FAM171A1: variants seen among roughly 807,000 people sequenced by gnomAD.
FAM171A1 encodes family with sequence similarity 171 member A1, also known as protein FAM171A1.
FAM171A1 carries 23 observed loss-of-function variants against 74.9 expected under a neutral mutation model. The ratio of observed to expected loss-of-function variants is 0.31; its 90% CI spans 0.22 to 0.44. The LOEUF (loss-of-function observed/expected upper bound fraction) is 0.44, where lower values mean the gene tolerates loss of function less well. Among genes scored for constraint, FAM171A1 ranks in the 20% least tolerant of loss-of-function variants. The pLI is 1.00. For missense variants in FAM171A1, 1,162 were observed against 1,159.2 expected (o/e 1.00, Z -0.03); for synonymous variants, 527 against 505.7 (o/e 1.04, Z -0.57).
At chr10:15,358,835 T>C (rs1835961639) in intron 1 of FAM171A1, among the ~76,000 whole-genome samples, 1 of 152,222 alleles carries the variant, frequency 6.6e-6, no homozygotes, top group Admixed American at 6.5e-5. Flanking sequence ...ATTGGTAAAA[T>C]GCTATGAGGA....
At chr10:15,287,817 T>C (rs753511856) in intron 1 of FAM171A1, among the ~76,000 whole-genome samples, 7 of 152,198 alleles carry the variant, frequency 4.6e-5, no homozygotes, top group Non-Finnish European at 8.8e-5. Flanking sequence ...TTTGGTTACA[T>C]GAGTAAGTTC....
intron 2 of FAM171A1, among the ~76,000 whole-genome samples, chr10:15,282,085 C>G (rs1371725681): frequency 6.6e-6 from 1 of 152,072 alleles, no homozygotes; most frequent in East Asian, 1.9e-4. Flanking sequence ...TTGCTATTTA[C>G]TTATTTATTT....
chr10:15,244,510 C>A (rs1023813962), intron 5 of FAM171A1, among the ~76,000 whole-genome samples: 13 of 152,178 alleles, frequency 8.5e-5, no homozygotes, highest in South Asian at 2.1e-4. Context: ...CAGAGGGAGA[C>A]CCTGTCTCTT....
intron 1 of FAM171A1, among the ~76,000 whole-genome samples, chr10:15,332,215 C>T (rs1235564909): frequency 6.6e-6 from 1 of 152,096 alleles, no homozygotes. Context: ...CTCTGCCTCC[C>T]AGAGTGCTAG....
At chr10:15,250,157 C>T (rs907852080) in intron 4 of FAM171A1, among the ~76,000 whole-genome samples, 3 of 152,138 alleles carry the variant, frequency 2.0e-5, no homozygotes, top group Admixed American at 6.5e-5. Flanking sequence ...CTAATGCCAC[C>T]CTACCTTTTA....
chr10:15,345,591 G>A (rs1192663593), intron 1 of FAM171A1, among the ~76,000 whole-genome samples: 1 of 152,160 alleles, frequency 6.6e-6, no homozygotes, highest in Non-Finnish European at 1.5e-5. Flanking sequence ...ACAGGCCGGT[G>A]GTCAGGAGGG....
At chr10:15,339,618 T>C (rs1372814611) in intron 1 of FAM171A1, among the ~76,000 whole-genome samples, 1 of 152,208 alleles carries the variant, frequency 6.6e-6, no homozygotes, top group East Asian at 1.9e-4. Flanking sequence ...TCACTGCTGC[T>C]GCTCTTGAGC....
At chr10:15,299,791 A>G (rs1835206748) in intron 1 of FAM171A1, among the ~76,000 whole-genome samples, 2 of 152,072 alleles carry the variant, frequency 1.3e-5, no homozygotes, top group Non-Finnish European at 2.9e-5. Flanking sequence ...ATCCTGGCTA[A>G]CACGATGAAA....
At chr10:15,371,731 G>A (rs1445882759), upstream of FAM171A1, among the ~76,000 whole-genome samples, 1 of 152,234 alleles carries the variant, frequency 6.6e-6, no homozygotes, top group Non-Finnish European at 1.5e-5. Flanking sequence ...GGTTCTAGGG[G>A]TTAGGGTGGG....
chr10:15,300,695 C>A (rs1835217956), intron 1 of FAM171A1, among the ~76,000 whole-genome samples: 1 of 147,676 alleles, frequency 6.8e-6, no homozygotes, highest in Admixed American at 7.0e-5. Flanking sequence ...AGTTGATGGT[C>A]ATCTTTGCCC....
chr10:15,330,377 T>C (rs1835613287), intron 1 of FAM171A1, among the ~76,000 whole-genome samples: 1 of 152,080 alleles, frequency 6.6e-6, no homozygotes, highest in Non-Finnish European at 1.5e-5. Context: ...GATCCTCTCA[T>C]ATTTTTAAAG....
intron 1 of FAM171A1, among the ~76,000 whole-genome samples, chr10:15,363,233 C>T (rs1294178840): frequency 6.6e-6 from 1 of 152,220 alleles, no homozygotes; most frequent in Non-Finnish European, 1.5e-5. Flanking sequence ...ATCCAGGCTT[C>T]ACACTTCGGG....
At chr10:15,293,395 T>A (rs1404203529) in intron 1 of FAM171A1, among the ~76,000 whole-genome samples, 3 of 152,130 alleles carry the variant, frequency 2.0e-5, no homozygotes, top group Non-Finnish European at 4.4e-5. Context: ...AGCTGCTATA[T>A]GCTTAGCATG....
chr10:15,329,091 T>C (rs1401527146), intron 1 of FAM171A1, among the ~76,000 whole-genome samples: 1 of 152,150 alleles, frequency 6.6e-6, no homozygotes, highest in Non-Finnish European at 1.5e-5. Context: ...CGCCCTCAGA[T>C]GTGGTGATGT....
rs562281523 is a variant in FAM171A1 at position 15,270,537 on chromosome 10, C to T, written c.418+5318G>A. On this transcript the variant is annotated intron_variant, in intron 3 of 7. Coordinates refer to ENST00000378116, the MANE Select transcript of FAM171A1 (RefSeq NM_001010924.2). ...CAGCTCTGAACAGAGTAGTGGTTCT[C>T]CAGCACAGAGTTTGAGATCTGAGAA... is the stretch of plus-strand genomic sequence containing the variant. Among the ~76,000 whole-genome samples, 453 of 152,268 alleles carry T rather than the reference C, an allele frequency of 3.0e-3. 4 individuals carry two copies. The highest frequency in any genetic ancestry group is 0.01 in the African/African-American group (431 of 41,556).
intron 1 of FAM171A1, among the ~76,000 whole-genome samples, chr10:15,357,956 A>G (rs181988313): frequency 4.6e-5 from 7 of 152,308 alleles, no homozygotes; most frequent in East Asian, 3.9e-4. Context: ...GAGTCTTTGT[A>G]TAAGCAAAGA....
intron 1 of FAM171A1, among the ~76,000 whole-genome samples, chr10:15,311,973 C>T (rs1001826137): frequency 8.5e-5 from 13 of 152,170 alleles, no homozygotes; most frequent in Non-Finnish European, 5.9e-5. Flanking sequence ...TTTACTGTTA[C>T]AGTGAGGTAT....
At chr10:15,329,820 T>C (rs527478943) in intron 1 of FAM171A1, among the ~76,000 whole-genome samples, 21 of 152,232 alleles carry the variant, frequency 1.4e-4, no homozygotes, top group Non-Finnish European at 2.6e-4. Flanking sequence ...AACTGGAACC[T>C]TCAGTGACAC....
chr10:15,296,577 C>T (rs1297194942), intron 1 of FAM171A1, among the ~76,000 whole-genome samples: 3 of 152,196 alleles, frequency 2.0e-5, no homozygotes, highest in Non-Finnish European at 4.4e-5. Flanking sequence ...ACTGTGCAGG[C>T]ATACTTCAGA....
Sources: gnomAD v4.1 joint callset for allele counts (sites outside exome capture counted in the v4.1 genomes callset) on GRCh38, gnomAD v4.1.1 for gene constraint, MANE v1.5 for transcripts, NCBI Gene and HGNC (gene_info 2026-07-23, HGNC 2026-07-21) for gene names.